The following TBC1D19 variants were observed in gnomAD, a reference collection of about 807,000 sequenced individuals.
The protein encoded by TBC1D19 is TBC1 domain family member 19.
A neutral mutation model predicts 89.0 loss-of-function variants in TBC1D19; 60 were observed. The ratio of observed to expected loss-of-function variants is 0.67; its 90% confidence interval spans 0.55 to 0.84. TBC1D19 has a LOEUF of 0.84. Among genes scored for constraint, TBC1D19 ranks in the 40% least tolerant of loss-of-function variants. The pLI, the probability that TBC1D19 is intolerant of heterozygous loss-of-function variation, is 0.00. For missense variants in TBC1D19, 500 were observed against 610.8 expected (o/e 0.82, Z 1.91); for synonymous variants, 189 against 199.7 (o/e 0.95, Z 0.45).
Position 26,584,155 on chromosome 4 carries a change from C to T in TBC1D19, c.-39C>T. The stretch of plus-strand genomic sequence containing the variant: ...CGGTAGCCCGTTCGCTCCGCGCCGG[C>T]GGCCTGTCCCCGCGGCTTGGCGGGC... On this transcript the variant is annotated 5_prime_UTR_variant, in exon 1 of 21. Coordinates refer to ENST00000264866, the MANE Select transcript of TBC1D19 (RefSeq NM_018317.4). 1.3e-6 allele frequency: 2 copies of T among 1,591,950 alleles called. No homozygotes were observed. Among genetic ancestry groups the T allele is most frequent in the African/African-American group, 1.3e-5 (1 of 74,842 alleles).
intron 13 of TBC1D19, among the ~76,000 whole-genome samples, chr4:26,694,632 G>A (rs1714602847): frequency 1.3e-5 from 2 of 152,202 alleles, no homozygotes; most frequent in African/African-American, 4.8e-5. Flanking sequence ...GCCTAACTGG[G>A]AGTCATCCCC....
At chr4:26,765,720 T>G in the TBC1D19 span, among the ~76,000 whole-genome samples, 4 of 152,166 alleles carry the variant, frequency 2.6e-5, no homozygotes, top group South Asian at 4.1e-4. Flanking sequence ...GTCAGCTGCT[T>G]CTTAGACAGC....
At chr4:26,750,733 A>G (rs1175304282) in intron 19 of TBC1D19, among the ~76,000 whole-genome samples, 1 of 152,238 alleles carries the variant, frequency 6.6e-6, no homozygotes, top group Non-Finnish European at 1.5e-5. Flanking sequence ...TGGAACATCT[A>G]GAAATGGAAC....
At chr4:26,809,271 G>C in the TBC1D19 span, among the ~76,000 whole-genome samples, 5 of 152,144 alleles carry the variant, frequency 3.3e-5, no homozygotes, top group Admixed American at 3.3e-4. Flanking sequence ...GCTTCTCTCA[G>C]GACAGACCAT....
chr4:26,686,465 T>C (rs1295583478), intron 12 of TBC1D19, among the ~76,000 whole-genome samples: 1 of 152,152 alleles, frequency 6.6e-6, no homozygotes, highest in Non-Finnish European at 1.5e-5. Context: ...TTCTATAGTT[T>C]TCAACCATTT....
chr4:26,620,549 GA>G (rs1223006664), intron 3 of TBC1D19, 63 bp from the exon 4 acceptor site: 144 of 1,327,840 alleles, frequency 1.1e-4, no homozygotes, highest in Non-Finnish European at 1.5e-4. Flanking sequence ...ATGGACTACA[GA>G]GGTAAGTAAT....
intron 4 of TBC1D19, among the ~76,000 whole-genome samples, chr4:26,631,891 T>C (rs1218229798): frequency 6.6e-6 from 1 of 152,240 alleles, no homozygotes; most frequent in Non-Finnish European, 1.5e-5. Flanking sequence ...TCTGTGTAAC[T>C]TTTTCTCTTG....
At chr4:26,585,478 A>G (rs1739354211) in intron 1 of TBC1D19, among the ~76,000 whole-genome samples, 1 of 136,842 alleles carries the variant, frequency 7.3e-6, no homozygotes, top group South Asian at 2.1e-4. Context: ...CTGCCCATTA[A>G]AAAAAAAATA....
intron 12 of TBC1D19, among the ~76,000 whole-genome samples, chr4:26,686,948 T>C (rs1392319378): frequency 1.3e-5 from 2 of 152,190 alleles, no homozygotes; most frequent in Non-Finnish European, 2.9e-5. Context: ...TTTGTGATTT[T>C]CCCATGTTTT....
intron 7 of TBC1D19, 145 bp from the exon 8 acceptor site, chr4:26,659,452 A>T (rs1745079659): frequency 2.2e-6 from 1 of 464,170 alleles, no homozygotes; most frequent in South Asian, 5.2e-5. Flanking sequence ...ATACTTTTAT[A>T]CTATTTTAGA....
chr4:26,718,024 T>G lies in TBC1D19; in HGVS notation c.1039+7T>G, dbSNP rs760462557. 1 of 1,595,068 alleles carries G rather than the reference T, an allele frequency of 6.3e-7. No homozygotes were observed. The highest frequency in any genetic ancestry group is 1.1e-5 in the South Asian group (1 of 90,080). Reference sequence around the variant, plus strand: ...CCAAAATCATACATAAGAGGTAAATTTTTAATAATTTTAAGGAAGTATTAA... The same window carrying G: ...CCAAAATCATACATAAGAGGTAAATGTTTAATAATTTTAAGGAAGTATTAA... On this transcript the variant is annotated splice_region_variant and intron_variant, in intron 14 of 20. Transcript: ENST00000264866.
chr4:26,812,991 G>C, the TBC1D19 span, among the ~76,000 whole-genome samples: 1 of 152,084 alleles, frequency 6.6e-6, no homozygotes, highest in Admixed American at 6.6e-5. The surrounding 1 kb of genome is among the most constrained non-coding windows in gnomAD (Gnocchi z 4.2). Flanking sequence ...CCCAAGGTGG[G>C]AGGATCCCTT....
the TBC1D19 span, among the ~76,000 whole-genome samples, chr4:26,772,446 G>A: frequency 7.6e-6 from 1 of 131,360 alleles, no homozygotes; most frequent in African/African-American, 2.5e-5. Flanking sequence ...TTTCTGGGTG[G>A]GGGGGAGCCA....
chr4:26,786,535 G>C, the TBC1D19 span, among the ~76,000 whole-genome samples: 1 of 152,184 alleles, frequency 6.6e-6, no homozygotes, highest in African/African-American at 2.4e-5. Context: ...TCGAGAGGCT[G>C]AGGCAGTGCC....
chr4:26,710,676 T>A (rs2109241740), intron 13 of TBC1D19, among the ~76,000 whole-genome samples: 1 of 152,288 alleles, frequency 6.6e-6, no homozygotes, highest in African/African-American at 2.4e-5. Flanking sequence ...TATCTCCACA[T>A]CCTCTCCAGC....
chr4:26,815,827 AGAT>A, the TBC1D19 span, among the ~76,000 whole-genome samples: 1 of 152,218 alleles, frequency 6.6e-6, no homozygotes, highest in African/African-American at 2.4e-5. Flanking sequence ...TTTAAGTAAG[AGAT>A]GGCATGGCTC....
chr4:26,671,305 A>G (rs1712282476), intron 9 of TBC1D19, among the ~76,000 whole-genome samples: 1 of 151,636 alleles, frequency 6.6e-6, no homozygotes, highest in South Asian at 2.1e-4. Context: ...GCAGCTTTTC[A>G]TATGTTTATT....
At chr4:26,754,039 C>T in intron 20 of TBC1D19, 149 bp downstream of exon 20, 1 of 650,866 alleles carries the variant, frequency 1.5e-6, no homozygotes, top group East Asian at 2.8e-5. Context: ...GCTAATAATA[C>T]TTAAGGATTC....
At chr4:26,851,003 A>AT in the TBC1D19 span, among the ~76,000 whole-genome samples, 1 of 152,200 alleles carries the variant, frequency 6.6e-6, no homozygotes, top group African/African-American at 2.4e-5. Context: ...AAAGGGAAGG[A>AT]AAGGGCAAAT....
Sources: gnomAD v4.1 joint callset for allele counts (sites outside exome capture counted in the v4.1 genomes callset) on GRCh38, gnomAD v4.1.1 for gene constraint, Gnocchi (gnomAD v3.1) non-coding constraint, MANE v1.5 for transcripts, NCBI Gene and HGNC (gene_info 2026-07-23, HGNC 2026-07-21) for gene names.